USP40: variants seen among roughly 807,000 people sequenced by gnomAD.
USP40 encodes the protein ubiquitin carboxyl-terminal hydrolase 40.
USP40 carries 143 observed loss-of-function variants against 166.2 expected under a neutral mutation model. The ratio of observed to expected loss-of-function variants is 0.86; its 90% confidence interval spans 0.75 to 0.99. The LOEUF is 0.99. Among genes scored for constraint, USP40 ranks in the 50% least tolerant of loss-of-function variants. The probability of loss-of-function intolerance (pLI) is 0.00; values close to 1 mark genes in which losing one functional copy is unlikely to be tolerated. For synonymous variants in USP40, 498 were observed against 524.0 expected (o/e 0.95, Z 0.68); for missense variants, 1,444 against 1,479.7 (o/e 0.98, Z 0.40).
chr2:233,512,203 T>TCAC (rs1414576532), intron 19 of USP40: 2 of 187,638 alleles, frequency 1.1e-5, no homozygotes, highest in Non-Finnish European at 2.2e-5. Flanking sequence ...CTAAATTAAA[T>TCAC]CTAATGGTAA....
intron 21 of USP40, among the ~76,000 whole-genome samples, chr2:233,503,288 A>G: frequency 6.6e-6 from 1 of 152,200 alleles, no homozygotes; most frequent in Non-Finnish European, 1.5e-5. Flanking sequence ...AGACACCATT[A>G]AATGAACAAG....
intron 19 of USP40, 81 bp from the exon 20 acceptor site, chr2:233,511,878 T>C: frequency 6.0e-6 from 7 of 1,171,194 alleles, no homozygotes; most frequent in Non-Finnish European, 8.4e-6. Flanking sequence ...TCAGTATTTC[T>C]TTGAAAATCA....
In USP40 at chr2:233,554,499, C is replaced by A; in HGVS notation, c.574G>T (p.Val192Phe). 6.2e-7 allele frequency: 1 copy of A among 1,611,218 alleles called. No individual in the cohort carries two copies. The highest frequency in any genetic ancestry group is 8.5e-7 in the Non-Finnish European group (1 of 1,179,002). The part of the protein sequence containing the change: ...QEDFLDLTVA[V>F]KNVSGLEDAL... ...TCTTCCAAACCGGATACATTTTTGA[C>A]TGCTACTGTTAGATCTAAGAAGTCT... The change falls in exon 6 of 32, where the codon GTC (valine) becomes TTC (phenylalanine). Residue 192 changes from valine to phenylalanine, a missense_variant. Physicochemically the swap from Val to Phe is conservative, Grantham distance 50 (BLOSUM62 -1). Coordinates refer to ENST00000678225, the MANE Select transcript of USP40 (RefSeq NM_001365479.2).
At chr2:233,558,079 T>C (rs1169776205) in intron 4 of USP40, among the ~76,000 whole-genome samples, 1 of 151,422 alleles carries the variant, frequency 6.6e-6, no homozygotes, top group Non-Finnish European at 1.5e-5. Context: ...GACTTCTATC[T>C]TGCCTTTTAA....
Position 233,485,799 on chromosome 2 carries a change from C to T in USP40, c.3376G>A (p.Glu1126Lys), listed in dbSNP as rs73997629. ...GATATCGGAAGCCACTCGAACTTTT[C>T]GGGAAAGTATTTGGCAATTTCAATC... ...EKIEIAKYFP[E>K]KFEWLPISSW... Residue 1126 changes from glutamate to lysine, a missense_variant, in exon 29 of 32, where the codon GAA becomes AAA. Coordinates refer to ENST00000678225, the MANE Select transcript of USP40 (RefSeq NM_001365479.2). 2.4e-5 allele frequency: 38 copies of T among 1,612,226 alleles called. No individual in the cohort carries two copies. In the Admixed American group the frequency reaches 5.4e-4, roughly 23 times the overall value.
intron 3 of USP40, chr2:233,560,823 G>A: frequency 5.7e-6 from 3 of 524,158 alleles, no homozygotes. Context: ...GGGGTGGAGA[G>A]GTCGGTATTG....
Position 233,533,639 on chromosome 2 carries a change from G to T in USP40, c.1311C>A (p.Ser437=). 1 of 1,613,688 alleles carries T rather than the reference G, an allele frequency of 6.2e-7. No individual in the cohort carries two copies. Among genetic ancestry groups the T allele is most frequent in the Middle Eastern group, 1.7e-4 (1 of 6,060 alleles). The change falls in exon 11 of 32, where the codon TCC becomes TCA. Residue 437 remains serine, a synonymous_variant. Transcript: ENST00000678225. The part of the protein sequence containing the change: ...QQIFKMLPPE[S]PGLNNSISCP... ...AGGAGATGCTATTGTTTAAACCTGG[G>T]GATTCTGGAGGAAGCATCTTGAAAA...
chr2:233,481,403 CA>C, intron 30 of USP40, 106 bp from the exon 31 acceptor site: 1 of 961,502 alleles, frequency 1.0e-6, no homozygotes. Context: ...AGAACAGATT[CA>C]AATTTACATA....
chr2:233,498,472 G>A (rs1389935562), intron 23 of USP40, 76 bp downstream of exon 23: 1 of 1,307,756 alleles, frequency 7.6e-7, no homozygotes, highest in East Asian at 2.3e-5. Context: ...TTTCTCATGA[G>A]TGGAATGGGT....
In USP40 at chr2:233,545,001, TG is replaced by T. The variant is rs1328851159; in HGVS notation, c.967-2639del. On this transcript the variant is annotated intron_variant, in intron 8 of 31. Coordinates refer to ENST00000678225, the MANE Select transcript of USP40 (RefSeq NM_001365479.2). ...GTTAGAGACAAACACAAATCTTTCT[TG>T]GAAGAAGGCACTTTTAACTCAGTCC... Among the ~76,000 whole-genome samples, 10 of 152,190 alleles carry T rather than the reference TG, an allele frequency of 6.6e-5. No homozygotes were observed. In the East Asian group the frequency reaches 1.9e-3, roughly 29 times the overall value.
rs1192281071 is a variant in USP40, at chr2:233,521,162, T to A, written c.2202-48A>T. 3.2e-6 allele frequency: 5 copies of A among 1,571,016 alleles called. No homozygotes were observed. The African/African-American group carries it at 5.4e-5, about 17-fold the overall frequency. The stretch of plus-strand genomic sequence containing the variant: ...AGAAATTAATACCTTTCCTTAGGCA[T>A]CACTTCCAAAACTCTGCATGTGTCA... On this transcript the variant is annotated intron_variant, in intron 16 of 31. Transcript: ENST00000678225.
chr2:233,560,707 G>A (rs1366549975), intron 3 of USP40: 1 of 298,052 alleles, frequency 3.4e-6, no homozygotes, highest in Non-Finnish European at 6.2e-6. Flanking sequence ...GATTAGATAT[G>A]CACTTTAAAT....
rs2067525536 is a variant in USP40 at position 233,519,763 on chromosome 2, G to C, written c.2326-92C>G. The C allele has an allele frequency of 4.5e-6, 3 of 673,428 alleles. No homozygotes were observed. In the African/African-American group the frequency reaches 5.7e-5, roughly 13 times the overall value. 41.7% of individuals were successfully genotyped at this position (673,428 alleles called of 1,614,324 possible). ...CACTGTGTGCATAAACAAATTATTT[G>C]AGATATTAATTACCTGACATTTAGT... On this transcript the variant is annotated intron_variant, in intron 17 of 31. Transcript: ENST00000678225.
intron 26 of USP40, chr2:233,489,690 TG>T: frequency 2.1e-6 from 1 of 486,830 alleles, no homozygotes; most frequent in Non-Finnish European, 3.6e-6. Flanking sequence ...TCCTCTGCAC[TG>T]AAATCACCTT....
At position 233,565,362 on chromosome 2, in the gene USP40, A is replaced by T; in HGVS notation, c.193T>A (p.Phe65Ile). ...LLQTLHFTPE[F>I]REALFSLGPE... ...TGTACGTAACATAGCATACCTCTGA[A>T]TTCAGGTGTGAAATGAAGAGTCTGA... Residue 65 changes from phenylalanine (F) to isoleucine (I), a missense_variant, in exon 2 of 32, where the codon TTC becomes ATC. Coordinates refer to ENST00000678225, the MANE Select transcript of USP40 (RefSeq NM_001365479.2). 3.3e-6 allele frequency: 5 copies of T among 1,536,252 alleles called. No homozygotes were observed. The highest frequency in any genetic ancestry group is 3.5e-6 in the Non-Finnish European group (4 of 1,145,982).
rs528593802 is a variant in USP40, at chr2:233,480,357, G to C, written c.3599+846C>G. On this transcript the variant is annotated intron_variant, in intron 31 of 31. Transcript: ENST00000678225. This position sits in a 1 kb window ranked among gnomAD's most constrained non-coding sequence, Gnocchi z 4.5. ...GATTTAGGAGAGACCCAGAGTCCGT[G>C]AGTCGGGGAGTGGGGGAGGATGAGG... Among the ~76,000 whole-genome samples, 2 of 152,376 alleles carry C rather than the reference G, an allele frequency of 1.3e-5. No homozygotes were observed. The highest frequency in any genetic ancestry group is 2.9e-5 in the Non-Finnish European group (2 of 68,040).
intron 6 of USP40, among the ~76,000 whole-genome samples, chr2:233,553,777 GGTTT>G (rs1254353300): frequency 6.6e-5 from 10 of 152,260 alleles, no homozygotes; most frequent in African/African-American, 1.9e-4. Flanking sequence ...TCTGTTTATT[GGTTT>G]GTTTTACTTT....
At chr2:233,527,600 C>T (rs1227136004) in intron 12 of USP40, 22 bp from the exon 13 acceptor site, 2 of 1,569,130 alleles carry the variant, frequency 1.3e-6, no homozygotes, top group East Asian at 2.3e-5. Flanking sequence ...CACAAAAATA[C>T]ATAAATACTG....
chr2:233,511,608 C>A, intron 20 of USP40, 101 bp downstream of exon 20: 2 of 828,372 alleles, frequency 2.4e-6, no homozygotes, highest in South Asian at 2.2e-5. Flanking sequence ...TAAGAAAAAA[C>A]TTTTAGAGAA....
Sources: gnomAD v4.1 joint callset for allele counts (sites outside exome capture counted in the v4.1 genomes callset) on GRCh38, gnomAD v4.1.1 for gene constraint, Gnocchi (gnomAD v3.1) non-coding constraint, MANE v1.5 for transcripts, NCBI Gene and HGNC (gene_info 2026-07-23, HGNC 2026-07-21) for gene names.